Variants in NTNG2 observed in about 807,000 individuals in gnomAD.
NTNG2 encodes netrin G2.
In NTNG2, 15 loss-of-function variants were observed where a neutral mutation model predicts 47.6. That is an observed-to-expected ratio of 0.32 (90% confidence interval 0.21 to 0.49). The LOEUF (loss-of-function observed/expected upper bound fraction) is 0.49, where lower values mean the gene tolerates loss of function less well. Ranked by LOEUF, NTNG2 falls within the 20% of genes least tolerant of loss-of-function variation. The pLI is 0.99. For synonymous variants in NTNG2, 307 were observed against 324.6 expected (o/e 0.95, Z 0.58); for missense variants, 578 against 764.6 (o/e 0.76, Z 2.88).
intron 2 of NTNG2, among the ~76,000 whole-genome samples, chr9:132,175,940 A>G (rs1836409758): frequency 6.6e-6 from 1 of 152,240 alleles, no homozygotes; most frequent in African/African-American, 2.4e-5. Context: ...TCCAGTGCAG[A>G]CAGAGGGGTC....
chr9:132,182,372 G>A lies in NTNG2; in HGVS notation c.213+15328G>A, dbSNP rs892478946. Among the ~76,000 whole-genome samples, 5 of 152,154 alleles carry A rather than the reference G, an allele frequency of 3.3e-5. No individual in the cohort carries two copies. The South Asian group carries it at 6.2e-4, about 19-fold the overall frequency. On this transcript the variant is annotated intron_variant, in intron 2 of 7. Coordinates refer to ENST00000393229, the MANE Select transcript of NTNG2 (RefSeq NM_032536.4). The surrounding 1 kb of genome is among the most constrained non-coding windows in gnomAD (Gnocchi z 4.2). ...GGCTCCAGGCCTGTCTGCTTGGCAC[G>A]GGGCAGCCCTACCCTCCTGCCCAGT...
At chr9:132,171,165 C>A (rs978862448) in intron 2 of NTNG2, among the ~76,000 whole-genome samples, 1 of 150,872 alleles carries the variant, frequency 6.6e-6, no homozygotes, top group Non-Finnish European at 1.5e-5. Context: ...AGCACTACCT[C>A]CTGACAAGAG....
intron 5 of NTNG2, chr9:132,238,832 C>T (rs996983104): frequency 3.1e-5 from 16 of 519,384 alleles, no homozygotes; most frequent in Middle Eastern, 4.0e-4. Flanking sequence ...GCAGGAGCTG[C>T]CCACTGGCCC....
intron 2 of NTNG2, among the ~76,000 whole-genome samples, chr9:132,170,801 G>A (rs113091534): frequency 4.6e-4 from 70 of 152,278 alleles, no homozygotes; most frequent in African/African-American, 1.6e-3. Flanking sequence ...GTGCAGCAGC[G>A]CTGACCTCAC....
At position 132,162,670 on chromosome 9, in the gene NTNG2, C is replaced by T. The variant is rs929188553; in HGVS notation, c.-484+431C>T. The stretch of plus-strand genomic sequence containing the variant: ...GATGTGTCTCGGAAAAGGAAACTAA[C>T]CCTGCTCCCGCGCCTCTCCCCCACC... On this transcript the variant is annotated intron_variant, in intron 1 of 7. Coordinates refer to ENST00000393229, the MANE Select transcript of NTNG2 (RefSeq NM_032536.4). The surrounding 1 kb of genome is among the most constrained non-coding windows in gnomAD (Gnocchi z 4.6). Among the ~76,000 whole-genome samples the T allele has an allele frequency of 3.3e-5, 5 of 150,762 alleles. No homozygotes were observed. The highest frequency in any genetic ancestry group is 7.4e-5 in the Non-Finnish European group (5 of 67,770).
In NTNG2 at chr9:132,230,564, TC is replaced by T; in HGVS notation, c.1031-5del. The T allele has an allele frequency of 6.2e-7, 1 of 1,603,178 alleles. No individual in the cohort carries two copies. The highest frequency in any genetic ancestry group is 8.5e-7 in the Non-Finnish European group (1 of 1,174,824). ...GGCAGCCAGCTCACGCCCGTCTCTC[TC>T]CCACAGGTGCCACTGCAGGTTCCTT... On this transcript the variant is annotated splice_polypyrimidine_tract_variant and splice_region_variant and intron_variant, in intron 4 of 7. Coordinates refer to ENST00000393229, the MANE Select transcript of NTNG2 (RefSeq NM_032536.4).
At chr9:132,220,642 C>T (rs913692533) in intron 3 of NTNG2, among the ~76,000 whole-genome samples, 22 of 151,912 alleles carry the variant, frequency 1.4e-4, no homozygotes, top group African/African-American at 4.8e-4. Context: ...TTAGTAGAGA[C>T]GGGGTTTCAC....
chr9:132,187,186 G>A (rs984936698), intron 2 of NTNG2, among the ~76,000 whole-genome samples: 14 of 152,386 alleles, frequency 9.2e-5, no homozygotes, highest in South Asian at 2.1e-4. Context: ...GGCGGTCGCC[G>A]TGGCTTTGGG....
chr9:132,194,089 C>T (rs1462228578), intron 2 of NTNG2, among the ~76,000 whole-genome samples: 1 of 152,202 alleles, frequency 6.6e-6, no homozygotes, highest in Non-Finnish European at 1.5e-5. Flanking sequence ...TTCTCAGATA[C>T]TAGGGTTAGG....
intron 2 of NTNG2, among the ~76,000 whole-genome samples, chr9:132,196,818 T>C (rs530036647): frequency 6.6e-6 from 1 of 152,318 alleles, no homozygotes; most frequent in East Asian, 1.9e-4. Context: ...CGCACCACAC[T>C]GCCCCCACCT....
intron 3 of NTNG2, among the ~76,000 whole-genome samples, chr9:132,213,846 C>T (rs752029890): frequency 6.6e-6 from 1 of 152,170 alleles, no homozygotes; most frequent in Non-Finnish European, 1.5e-5. Flanking sequence ...TCAGTATACA[C>T]GACATGTAAT....
intron 3 of NTNG2, among the ~76,000 whole-genome samples, chr9:132,213,302 C>G (rs1297387054): frequency 7.0e-6 from 1 of 143,492 alleles, no homozygotes; most frequent in Non-Finnish European, 1.5e-5. Context: ...AGCCTCCAGC[C>G]TGGGCGATGA....
In NTNG2 at chr9:132,166,927, C is replaced by T. The variant is rs757000030; in HGVS notation, c.96C>T (p.Pro32=). Residue 32 remains proline (P), a synonymous_variant, in exon 2 of 8, where the codon CCC becomes CCT. Transcript: ENST00000393229. ...CCTGGGTGACCACAGATGAGGGCCC[C>T]ACCTGGGAGTTCTACGCCTGCCAGC... The part of the protein sequence containing the change: ...CKSWVTTDEG[P]TWEFYACQPK... 7 of 1,614,124 alleles carry T rather than the reference C, an allele frequency of 4.3e-6. No homozygotes were observed. The African/African-American group carries it at 8.0e-5, about 18-fold the overall frequency.
At chr9:132,213,582 T>TC (rs1839766366) in intron 3 of NTNG2, among the ~76,000 whole-genome samples, 1 of 152,160 alleles carries the variant, frequency 6.6e-6, no homozygotes, top group Non-Finnish European at 1.5e-5. Flanking sequence ...TTCAGCCTCC[T>TC]CCTTCATCCT....
chr9:132,163,464 C>T lies in NTNG2; in HGVS notation c.-484+1225C>T, dbSNP rs1196527347. ...AGGCCCGCCGAGGCTACAGTGAGCG[C>T]GGGGCGCCCGCTGGACCCCGCCCGG... On this transcript the variant is annotated intron_variant, in intron 1 of 7. Transcript: ENST00000393229. The surrounding 1 kb of genome is among the most constrained non-coding windows in gnomAD (Gnocchi z 7.2). Among the ~76,000 whole-genome samples, 2 of 151,924 alleles carry T rather than the reference C, an allele frequency of 1.3e-5. No individual in the cohort carries two copies. The highest frequency in any genetic ancestry group is 1.9e-4 in the East Asian group (1 of 5,156).
At chr9:132,191,098 T>A (rs886458143) in intron 2 of NTNG2, among the ~76,000 whole-genome samples, 5 of 152,172 alleles carry the variant, frequency 3.3e-5, no homozygotes, top group African/African-American at 1.2e-4. Flanking sequence ...ACCTGCCTCC[T>A]GTGGGTTGCT....
In NTNG2 at chr9:132,215,009, T is replaced by C. The variant is rs1036913021; in HGVS notation, c.858-11840T>C. On this transcript the variant is annotated intron_variant, in intron 3 of 7. Transcript: ENST00000393229. The surrounding 1 kb of genome is among the most constrained non-coding windows in gnomAD (Gnocchi z 4.2). The stretch of plus-strand genomic sequence containing the variant: ...CTCCTGCCTCAGCCTCCGAAGTAGC[T>C]AAGATGACAGGTGCTCACCACCATG... Among the ~76,000 whole-genome samples, 10 of 150,644 alleles carry C rather than the reference T, an allele frequency of 6.6e-5. No homozygotes were observed. The highest frequency in any genetic ancestry group is 6.0e-4 in the Admixed American group (9 of 15,110).
intron 4 of NTNG2, among the ~76,000 whole-genome samples, chr9:132,227,411 G>T (rs868618385): frequency 6.6e-6 from 1 of 152,170 alleles, no homozygotes. Flanking sequence ...GCAACCCTTC[G>T]CCTTCTTGAC....
At chr9:132,199,910 G>A (rs756668076) in intron 3 of NTNG2, among the ~76,000 whole-genome samples, 1 of 152,300 alleles carries the variant, frequency 6.6e-6, no homozygotes, top group South Asian at 2.1e-4. Flanking sequence ...GGAGATGAAA[G>A]CAGCCTTTAC....
Sources: allele counts gnomAD v4.1 joint callset (sites outside exome capture counted in the v4.1 genomes callset), GRCh38; gene constraint gnomAD v4.1.1; non-coding constraint Gnocchi (gnomAD v3.1); transcripts MANE v1.5; gene names NCBI Gene and HGNC (gene_info 2026-07-23, HGNC 2026-07-21).